LMBR1: variants seen among roughly 807,000 people sequenced by gnomAD.
The protein encoded by LMBR1 is limb development membrane protein 1, also known as limb region 1 protein homolog.
In LMBR1, 52 loss-of-function variants were observed where a neutral mutation model predicts 73.9. The observed-to-expected ratio is 0.70, with a 90% CI of 0.56 to 0.89. The LOEUF (loss-of-function observed/expected upper bound fraction) is 0.89, where lower values mean the gene tolerates loss of function less well. Among genes scored for constraint, LMBR1 ranks in the 40% least tolerant of loss-of-function variants. The pLI, the probability that LMBR1 is intolerant of heterozygous loss-of-function variation, is 0.00. For synonymous variants in LMBR1, 215 were observed against 209.4 expected (o/e 1.03, Z -0.23); for missense variants, 539 against 579.8 (o/e 0.93, Z 0.72).
intron 3 of LMBR1, among the ~76,000 whole-genome samples, chr7:156,827,628 T>C (rs909711155): frequency 3.9e-5 from 6 of 152,042 alleles, no homozygotes; most frequent in Admixed American, 3.9e-4. Flanking sequence ...AGAACTTCAC[T>C]AATATTAGAG....
At chr7:156,838,863 C>T (rs1445991567) in intron 1 of LMBR1, among the ~76,000 whole-genome samples, 2 of 152,176 alleles carry the variant, frequency 1.3e-5, no homozygotes, top group African/African-American at 2.4e-5. Flanking sequence ...CTTCTCGCCA[C>T]ATCTTCATCA....
intron 1 of LMBR1, among the ~76,000 whole-genome samples, chr7:156,843,835 CA>C (rs11288663): frequency 0.42 from 50,592 of 120,664 alleles, 8,748 homozygotes; most frequent in East Asian, 0.59. Context: ...GACCCTGTCT[CA>C]AAAAAAAAAA....
chr7:156,797,263 T>G (rs1336370643), intron 4 of LMBR1, among the ~76,000 whole-genome samples: 1 of 152,184 alleles, frequency 6.6e-6, no homozygotes, highest in African/African-American at 2.4e-5. Context: ...GACAGAGCCC[T>G]GTTAGGTATG....
At chr7:156,857,543 T>C (rs1032125198) in intron 1 of LMBR1, among the ~76,000 whole-genome samples, 3 of 152,232 alleles carry the variant, frequency 2.0e-5, no homozygotes, top group Admixed American at 1.3e-4. Context: ...AATTGGCAGA[T>C]GCAGCAGGCA....
Position 156,872,979 on chromosome 7 carries a change from C to T in LMBR1, c.66+19949G>A, listed in dbSNP as rs1199293686. Among the ~76,000 whole-genome samples the T allele has an allele frequency of 2.0e-5, 3 of 152,194 alleles. No individual in the cohort carries two copies. The East Asian group carries it at 5.8e-4, about 29-fold the overall frequency. On this transcript the variant is annotated intron_variant, in intron 1 of 16. Transcript: ENST00000353442. ...GGTCTCACTGACTTCAAGAATGAAG[C>T]CGCGGACCCTCACGGTGAGTGTTAC...
intron 4 of LMBR1, among the ~76,000 whole-genome samples, chr7:156,825,151 AAT>A (rs1170279461): frequency 6.6e-6 from 1 of 152,174 alleles, no homozygotes; most frequent in Non-Finnish European, 1.5e-5. Context: ...ACTTAGCTTA[AAT>A]ATTGTCAAAG....
At chr7:156,854,597 T>A (rs1334840750) in intron 1 of LMBR1, among the ~76,000 whole-genome samples, 2 of 152,156 alleles carry the variant, frequency 1.3e-5, no homozygotes, top group East Asian at 3.8e-4. Flanking sequence ...TTGAATTTTA[T>A]CAGAGCCTAA....
chr7:156,797,467 TAGGC>T (rs1830244601), intron 4 of LMBR1, among the ~76,000 whole-genome samples: 1 of 152,242 alleles, frequency 6.6e-6, no homozygotes, highest in Non-Finnish European at 1.5e-5. Flanking sequence ...TTTTTGAAAG[TAGGC>T]AACTAATGCT....
chr7:156,719,117 A>G (rs1813894659), intron 15 of LMBR1, among the ~76,000 whole-genome samples: 1 of 147,484 alleles, frequency 6.8e-6, no homozygotes. Context: ...ATATCTCCTA[A>G]TGCTATCCCC....
chr7:156,771,192 C>A (rs1017702682), intron 5 of LMBR1, among the ~76,000 whole-genome samples: 1 of 151,796 alleles, frequency 6.6e-6, no homozygotes, highest in Admixed American at 6.6e-5. Flanking sequence ...AGCAAACCAA[C>A]CCCAAAGCTA....
At chr7:156,690,306 G>T (rs780375184) in intron 15 of LMBR1, among the ~76,000 whole-genome samples, 1 of 152,126 alleles carries the variant, frequency 6.6e-6, no homozygotes, top group Non-Finnish European at 1.5e-5. Flanking sequence ...ATAAATGCAA[G>T]TTCTAATAGT....
At chr7:156,747,834 C>T (rs1003918647) in intron 9 of LMBR1, 7 of 152,204 alleles carry the variant, frequency 4.6e-5, no homozygotes, top group Non-Finnish European at 8.8e-5. Flanking sequence ...TTTCTAATCA[C>T]TTAGGCAAAC....
intron 5 of LMBR1, among the ~76,000 whole-genome samples, chr7:156,767,852 C>T (rs958166490): frequency 2.6e-4 from 40 of 151,756 alleles, no homozygotes; most frequent in African/African-American, 9.4e-4. Context: ...CCTATCAAAA[C>T]GAAAGTGATA....
In LMBR1 at chr7:156,858,031, GGAAA is replaced by G. The variant is rs1310746241; in HGVS notation, c.67-21150_67-21147del. Among the ~76,000 whole-genome samples, 48 of 138,188 alleles carry G rather than the reference GGAAA, an allele frequency of 3.5e-4. 1 individual carries two copies. The East Asian group carries it at 9.6e-3, about 28-fold the overall frequency. The allele number at this position is 138,188 out of a possible 152,430, so 90.7% of individuals were successfully genotyped here. A position where few individuals can be genotyped will look rare whatever the true frequency, so the allele number is the denominator to read the frequency against. On this transcript the variant is annotated intron_variant, in intron 1 of 16. Coordinates refer to ENST00000353442, the MANE Select transcript of LMBR1 (RefSeq NM_022458.4). ...AAATTGAATAAGCTTCTACACCTTAGGAAACTAGAAAAAAAAAGAGCAAAGTAAT... is the reference window on the plus strand; with the variant it reads ...AAATTGAATAAGCTTCTACACCTTAGCTAGAAAAAAAAAGAGCAAAGTAAT...
At position 156,686,873 on chromosome 7, in the gene LMBR1, T is replaced by C. The variant is rs150459004; in HGVS notation, c.1387+1157A>G. Reference sequence around the variant, plus strand: ...CTAGACATCTGATAAAAAGGACTGTTTGATTCCTACTTCAAGTTGGGCCAG... The same window carrying C: ...CTAGACATCTGATAAAAAGGACTGTCTGATTCCTACTTCAAGTTGGGCCAG... On this transcript the variant is annotated intron_variant, in intron 16 of 16. Coordinates refer to ENST00000353442, the MANE Select transcript of LMBR1 (RefSeq NM_022458.4). Among the ~76,000 whole-genome samples, 675 of 152,354 alleles carry C rather than the reference T, an allele frequency of 4.4e-3. 4 individuals carry two copies. Among genetic ancestry groups the C allele is most frequent in the African/African-American group, 0.016 (650 of 41,576 alleles).
At chr7:156,861,260 T>C (rs1797677114) in intron 1 of LMBR1, among the ~76,000 whole-genome samples, 1 of 152,214 alleles carries the variant, frequency 6.6e-6, no homozygotes, top group South Asian at 2.1e-4. Context: ...AACACCATGT[T>C]GAAGCTGCCA....
intron 8 of LMBR1, among the ~76,000 whole-genome samples, chr7:156,757,254 C>T (rs929712899): frequency 1.3e-5 from 2 of 152,182 alleles, no homozygotes; most frequent in Non-Finnish European, 2.9e-5. Context: ...TTACATTTAC[C>T]TACATAATGT....
chr7:156,852,015 G>A (rs982136252), intron 1 of LMBR1, among the ~76,000 whole-genome samples: 1 of 152,064 alleles, frequency 6.6e-6, no homozygotes, highest in African/African-American at 2.4e-5. Flanking sequence ...TCCACTTTTA[G>A]ATAATTAGGT....
intron 5 of LMBR1, among the ~76,000 whole-genome samples, chr7:156,793,688 T>C (rs959335440): frequency 1.3e-5 from 2 of 152,210 alleles, no homozygotes; most frequent in African/African-American, 4.8e-5. Flanking sequence ...TTATTAGTGA[T>C]TAGTGATATT....
Sources: gnomAD v4.1 joint callset for allele counts (sites outside exome capture counted in the v4.1 genomes callset) on GRCh38, gnomAD v4.1.1 for gene constraint, MANE v1.5 for transcripts, NCBI Gene and HGNC (gene_info 2026-07-23, HGNC 2026-07-21) for gene names.